SYTL3: variants seen among roughly 807,000 people sequenced by gnomAD.
SYTL3 encodes synaptotagmin-like protein 3.
In SYTL3, 88 loss-of-function variants were observed where a neutral mutation model predicts 82.1. That is an observed-to-expected ratio of 1.07 (90% CI 0.90 to 1.28). The LOEUF is 1.28. Ranked by LOEUF, SYTL3 falls within the 50% of genes most tolerant of loss-of-function variation. The pLI, the probability that SYTL3 is intolerant of heterozygous loss-of-function variation, is 0.00. For missense variants in SYTL3, 831 were observed against 757.6 expected (o/e 1.10, Z -1.14); for synonymous variants, 311 against 289.4 (o/e 1.07, Z -0.76).
At chr6:158,650,903 A>T (rs1309737146) in intron 1 of SYTL3, among the ~76,000 whole-genome samples, 1 of 152,186 alleles carries the variant, frequency 6.6e-6, no homozygotes, top group Non-Finnish European at 1.5e-5. Flanking sequence ...GTGAGCCAAG[A>T]TCCTGCCACT....
intron 6 of SYTL3, among the ~76,000 whole-genome samples, chr6:158,700,853 T>C (rs1383320326): frequency 3.3e-5 from 5 of 151,882 alleles, no homozygotes; most frequent in African/African-American, 1.2e-4. Flanking sequence ...CCTGACCTCA[T>C]GATCTGCCCT....
intron 5 of SYTL3, among the ~76,000 whole-genome samples, chr6:158,680,918 G>T (rs1382030594): frequency 6.6e-6 from 1 of 152,184 alleles, no homozygotes; most frequent in Non-Finnish European, 1.5e-5. Context: ...ACTTCATAGA[G>T]AAAGATAGCA....
At chr6:158,673,913 GTC>G (rs1165819618) in intron 5 of SYTL3, among the ~76,000 whole-genome samples, 1 of 150,688 alleles carries the variant, frequency 6.6e-6, no homozygotes, top group African/African-American at 2.4e-5. Flanking sequence ...GTGAAACCCT[GTC>G]TCTACTAAAA....
At chr6:158,656,501 A>G (rs1056577873) in intron 2 of SYTL3, among the ~76,000 whole-genome samples, 2 of 152,108 alleles carry the variant, frequency 1.3e-5, no homozygotes, top group Non-Finnish European at 2.9e-5. Flanking sequence ...TGAGGCGGGC[A>G]GATCACGAGG....
chr6:158,722,431 C>G (rs558347232), intron 10 of SYTL3, among the ~76,000 whole-genome samples: 1 of 152,040 alleles, frequency 6.6e-6, no homozygotes, highest in African/African-American at 2.4e-5. Flanking sequence ...CGCGGTGACT[C>G]GGGGATGTTA....
intron 6 of SYTL3, among the ~76,000 whole-genome samples, chr6:158,688,584 G>A (rs1779532481): frequency 6.6e-6 from 1 of 152,156 alleles, no homozygotes; most frequent in Non-Finnish European, 1.5e-5. Flanking sequence ...GCAGCATAGT[G>A]AGATCCTGTC....
chr6:158,734,741 C>A (rs981833736), intron 11 of SYTL3, among the ~76,000 whole-genome samples: 1 of 152,150 alleles, frequency 6.6e-6, no homozygotes, highest in Non-Finnish European at 1.5e-5. Context: ...TGTCACCTCC[C>A]CACTAGACTC....
At chr6:158,707,356 A>C in intron 7 of SYTL3, 75 bp downstream of exon 7, 1 of 1,322,394 alleles carries the variant, frequency 7.6e-7, no homozygotes, top group South Asian at 1.2e-5. Flanking sequence ...AAGAACTTAT[A>C]GGTCTCTTGA....
At chr6:158,645,608 C>T (rs1787387995), upstream of SYTL3, among the ~76,000 whole-genome samples, 1 of 152,124 alleles carries the variant, frequency 6.6e-6, no homozygotes, top group African/African-American at 2.4e-5. Flanking sequence ...ACATCTAATC[C>T]ATCAACAACC....
rs139360490 is a variant in SYTL3 at position 158,764,325 on chromosome 6, C to A, written c.1724-170C>A. Among the ~76,000 whole-genome samples, 459 of 152,288 alleles carry A rather than the reference C, an allele frequency of 3.0e-3. 4 individuals are homozygous for A. Among genetic ancestry groups the A allele is most frequent in the African/African-American group, 0.011 (438 of 41,554 alleles). On this transcript the variant is annotated intron_variant, in intron 17 of 17. Coordinates refer to ENST00000611299, the MANE Select transcript of SYTL3 (RefSeq NM_001242394.2). ...GCCTGCGTGAATCCCAGTCTCAACA[C>A]CAGCTTTGTTGGGGTGGGAGTGGTG...
upstream of SYTL3, among the ~76,000 whole-genome samples, chr6:158,646,053 A>T (rs1787430609): frequency 6.6e-6 from 1 of 152,194 alleles, no homozygotes. Flanking sequence ...TGCAGGAAGG[A>T]TCTGTTTTAT....
intron 6 of SYTL3, among the ~76,000 whole-genome samples, chr6:158,705,762 C>G (rs1293226779): frequency 1.7e-5 from 2 of 119,646 alleles, no homozygotes; most frequent in East Asian, 4.1e-4. Flanking sequence ...GCATGGGGGA[C>G]CCAGGAACAG....
chr6:158,696,775 A>C (rs1248465514), intron 6 of SYTL3, among the ~76,000 whole-genome samples: 1 of 152,122 alleles, frequency 6.6e-6, no homozygotes, highest in Non-Finnish European at 1.5e-5. Flanking sequence ...CTCAAAACTT[A>C]CTACAAAGCT....
At chr6:158,708,087 G>A (rs1449489192) in intron 7 of SYTL3, among the ~76,000 whole-genome samples, 2 of 152,110 alleles carry the variant, frequency 1.3e-5, no homozygotes, top group Admixed American at 6.5e-5. Context: ...GACTGAGTGG[G>A]GCGGAGTACC....
At chr6:158,725,720 T>TAGGAGTAATTGAAA in intron 11 of SYTL3, 83 bp downstream of exon 11, 1 of 1,510,046 alleles carries the variant, frequency 6.6e-7, no homozygotes, top group South Asian at 1.2e-5. Flanking sequence ...CTTATTTCAA[T>TAGGAGTAATTGAAA]TACTCCTATT....
intron 6 of SYTL3, among the ~76,000 whole-genome samples, chr6:158,702,658 G>A (rs113577040): frequency 8.7e-4 from 132 of 152,158 alleles, no homozygotes; most frequent in South Asian, 2.7e-3. Flanking sequence ...GAAGCAGAGC[G>A]GTGACCCCGT....
chr6:158,745,574 G>T lies in SYTL3; in HGVS notation c.950G>T (p.Cys317Phe), dbSNP rs199560956. The T allele has an allele frequency of 3.5e-5, 56 of 1,613,680 alleles. No individual in the cohort carries two copies. The highest frequency in any genetic ancestry group is 2.7e-4 in the Admixed American group (16 of 59,980). ...GAAATAGAATTTGCCATTCATTATTGCTTCAAAACCCATTCTTTAGAAATA... is the reference window on the plus strand; with the variant it reads ...GAAATAGAATTTGCCATTCATTATTTCTTCAAAACCCATTCTTTAGAAATA... Reference protein sequence around the residue: ...TGEIEFAIHYCFKTHSLEICI... With the variant: ...TGEIEFAIHYFFKTHSLEICI... The change falls in exon 12 of 18, where the codon TGC (cysteine) becomes TTC (phenylalanine). Residue 317 changes from cysteine (C) to phenylalanine (F), a missense_variant. Coordinates refer to ENST00000611299, the MANE Select transcript of SYTL3 (RefSeq NM_001242394.2).
intron 13 of SYTL3, 104 bp from the exon 14 acceptor site, chr6:158,757,107 C>T (rs927287300): frequency 9.1e-6 from 11 of 1,207,420 alleles, no homozygotes; most frequent in Non-Finnish European, 1.1e-5. Context: ...AGGCCTGCGC[C>T]AGGCCCCGGG....
At chr6:158,751,517 G>A (rs1487977029) in intron 12 of SYTL3, among the ~76,000 whole-genome samples, 1 of 152,218 alleles carries the variant, frequency 6.6e-6, no homozygotes, top group African/African-American at 2.4e-5. Context: ...ACAGTGCGAG[G>A]CATATGCTTT....
Sources: gnomAD v4.1 joint callset for allele counts (sites outside exome capture counted in the v4.1 genomes callset) on GRCh38, gnomAD v4.1.1 for gene constraint, MANE v1.5 for transcripts, NCBI Gene and HGNC (gene_info 2026-07-23, HGNC 2026-07-21) for gene names.